Variants in COG5 observed in about 807,000 individuals in gnomAD.
The protein encoded by COG5 is conserved oligomeric Golgi complex subunit 5.
Under a neutral mutation model 110.4 loss-of-function variants are expected in COG5, and 86 were observed. The observed-to-expected ratio is 0.78, with a 90% CI of 0.65 to 0.93. The LOEUF (loss-of-function observed/expected upper bound fraction) is 0.93. COG5 is among the 40% of genes least tolerant of loss of function. The pLI is 0.00. For synonymous variants in COG5, 360 were observed against 334.6 expected (o/e 1.08, Z -0.83); for missense variants, 1,077 against 987.0 (o/e 1.09, Z -1.22).
At position 107,236,672 on chromosome 7, in the gene COG5, T is replaced by A. The variant is rs200289261; in HGVS notation, c.1869A>T (p.Ser623=). The A allele has an allele frequency of 1.9e-6, 3 of 1,613,456 alleles. No individual in the cohort carries two copies. Among genetic ancestry groups the A allele is most frequent in the Non-Finnish European group, 2.5e-6 (3 of 1,179,528 alleles). ...QEDFSGSLSS[S]GKPDVPCSLY... ...GAGAACAAGGAACATCAGGTTTTCC[T>A]GAGCTGGATAATGACCTGTAAAAGA... The change falls in exon 18 of 22, where the codon TCA becomes TCT. Residue 623 remains serine (S), a synonymous_variant. Coordinates refer to ENST00000297135, the MANE Select transcript of COG5 (RefSeq NM_006348.5).
intron 6 of COG5, among the ~76,000 whole-genome samples, chr7:107,497,987 T>C (rs766815639): frequency 1.7e-4 from 26 of 152,078 alleles, no homozygotes; most frequent in Non-Finnish European, 3.4e-4. Context: ...TTCATGCATA[T>C]ATGATAAACC....
chr7:107,242,734 G>C (rs1801742271), intron 17 of COG5, among the ~76,000 whole-genome samples: 1 of 152,154 alleles, frequency 6.6e-6, no homozygotes, highest in Non-Finnish European at 1.5e-5. Flanking sequence ...TTGTCACCAG[G>C]AGAACCCCTG....
intron 17 of COG5, among the ~76,000 whole-genome samples, chr7:107,242,304 A>T (rs1040821458): frequency 6.6e-6 from 1 of 152,154 alleles, no homozygotes; most frequent in Non-Finnish European, 1.5e-5. Context: ...AGCCAGGGGA[A>T]CCCCCACTGC....
intron 10 of COG5, among the ~76,000 whole-genome samples, chr7:107,354,283 A>G (rs1812434836): frequency 6.6e-6 from 1 of 152,210 alleles, no homozygotes; most frequent in African/African-American, 2.4e-5. Context: ...TCATGTTATT[A>G]GAACTACTGA....
chr7:107,248,353 A>G (rs1172784355), intron 17 of COG5, 43 bp downstream of exon 17: 10 of 1,203,468 alleles, frequency 8.3e-6, no homozygotes, highest in Non-Finnish European at 1.1e-5. Context: ...AATACAAAAT[A>G]AAGGCAGTAA....
At chr7:107,207,901 G>A in intron 21 of COG5, 1 of 985,326 alleles carries the variant, frequency 1.0e-6, no homozygotes, top group Non-Finnish European at 1.2e-6. Flanking sequence ...TCCTCAATTT[G>A]CCCTATTTTA....
chr7:107,348,412 A>G (rs764181897), intron 10 of COG5, among the ~76,000 whole-genome samples: 12 of 152,138 alleles, frequency 7.9e-5, no homozygotes, highest in Admixed American at 4.6e-4. Flanking sequence ...TTGAAAAACC[A>G]TATGGGCCTA....
chr7:107,201,494 TAAGAAG>T lies in COG5; in HGVS notation c.*2016_*2021del, dbSNP rs1477737867. 4 of 1,051,726 alleles carry T rather than the reference TAAGAAG, an allele frequency of 3.8e-6. No individual in the cohort carries two copies. The highest frequency in any genetic ancestry group is 5.9e-6 in the Non-Finnish European group (4 of 678,714). 65.1% of individuals were successfully genotyped at this position (1,051,726 alleles called of 1,614,324 possible). Reference sequence around the variant, plus strand: ...TACATTGACTCTTGATGGAAAGACTTAAGAAGATCAAGGTCTCACCATTTGTCCTCA... The same window carrying T: ...TACATTGACTCTTGATGGAAAGACTTATCAAGGTCTCACCATTTGTCCTCA... On this transcript the variant is annotated 3_prime_UTR_variant, in exon 22 of 22. Coordinates refer to ENST00000297135, the MANE Select transcript of COG5 (RefSeq NM_006348.5).
At chr7:107,441,351 T>C (rs1410945091) in intron 6 of COG5, among the ~76,000 whole-genome samples, 4 of 151,616 alleles carry the variant, frequency 2.6e-5, no homozygotes, top group Non-Finnish European at 4.4e-5. Flanking sequence ...ATACTACTGA[T>C]AACCTGGGAC....
chr7:107,206,584 G>T (rs1322056735), intron 21 of COG5, among the ~76,000 whole-genome samples: 1 of 152,180 alleles, frequency 6.6e-6, no homozygotes. Context: ...AGACACCAAG[G>T]TGTATGTATC....
chr7:107,348,244 A>G (rs1811812451), intron 10 of COG5, among the ~76,000 whole-genome samples: 1 of 151,740 alleles, frequency 6.6e-6, no homozygotes, highest in Non-Finnish European at 1.5e-5. Context: ...ATTTTTCAAT[A>G]TATATTCCTG....
chr7:107,270,882 CTTTTTTTTT>C (rs56971368), intron 14 of COG5, among the ~76,000 whole-genome samples: 5 of 68,726 alleles, frequency 7.3e-5, no homozygotes, highest in Admixed American at 1.9e-4. Context: ...CTAACTAGAA[CTTTTTTTTT>C]TTTTTTTTTT....
In COG5 at chr7:107,203,613, T is replaced by C; in HGVS notation, c.2393A>G (p.Tyr798Cys). 1 of 1,613,718 alleles carries C rather than the reference T, an allele frequency of 6.2e-7. No homozygotes were observed. The highest frequency in any genetic ancestry group is 1.1e-5 in the South Asian group (1 of 91,082). Residue 798 changes from tyrosine to cysteine, a missense_variant, in exon 22 of 22, where the codon TAT becomes TGT. Coordinates refer to ENST00000297135, the MANE Select transcript of COG5 (RefSeq NM_006348.5). Reference sequence around the variant, plus strand: ...TTCTCTACTTCTCACTGATTGAACATAAGCTTCCAGGGCTCCCCTGAAAAC... The same window carrying C: ...TTCTCTACTTCTCACTGATTGAACACAAGCTTCCAGGGCTCCCCTGAAAAC... ...LLLIRGALEA[Y>C]VQSVRSREGK...
chr7:107,508,548 G>A (rs1009940086), intron 6 of COG5, among the ~76,000 whole-genome samples: 12 of 152,214 alleles, frequency 7.9e-5, no homozygotes, highest in East Asian at 1.9e-4. Context: ...CTTCCACTAC[G>A]CAGCTGGAGA....
chr7:107,358,756 CTCATAAGCTCAAGTTGAGTTT>C (rs1812845785), intron 10 of COG5, among the ~76,000 whole-genome samples: 1 of 152,134 alleles, frequency 6.6e-6, no homozygotes, highest in Non-Finnish European at 1.5e-5. Context: ...AAACTCTGGA[CTCATAAGCTCAAGTTGAGTTT>C]TCCCAGTAGA....
chr7:107,388,998 T>C (rs1790423832), intron 7 of COG5, among the ~76,000 whole-genome samples: 1 of 152,212 alleles, frequency 6.6e-6, no homozygotes, highest in Non-Finnish European at 1.5e-5. Context: ...TTACTCCAAA[T>C]AATTTGTTCC....
chr7:107,213,766 G>A (rs1448877851), intron 19 of COG5, among the ~76,000 whole-genome samples: 1 of 152,168 alleles, frequency 6.6e-6, no homozygotes, highest in Non-Finnish European at 1.5e-5. Context: ...AAATAATGAA[G>A]TTAAATCTAT....
chr7:107,366,138 C>G lies in COG5; in HGVS notation c.836-3718G>C, dbSNP rs983345998. On this transcript the variant is annotated intron_variant, in intron 8 of 21. Coordinates refer to ENST00000297135, the MANE Select transcript of COG5 (RefSeq NM_006348.5). ...TCCACTGTCTCAAATTACTGGAATA[C>G]TCACTGGAAAAATATTATAGAAATA... Among the ~76,000 whole-genome samples the G allele has an allele frequency of 4.6e-5, 7 of 151,942 alleles. No individual in the cohort carries two copies. In the East Asian group the frequency reaches 5.8e-4, roughly 13 times the overall value.
intron 6 of COG5, among the ~76,000 whole-genome samples, chr7:107,417,769 A>G (rs1304522127): frequency 6.7e-6 from 1 of 148,300 alleles, no homozygotes; most frequent in Non-Finnish European, 1.5e-5. Flanking sequence ...TGATAGTCTA[A>G]TCTAAGTTAT....
Sources: allele counts gnomAD v4.1 joint callset (sites outside exome capture counted in the v4.1 genomes callset), GRCh38; gene constraint gnomAD v4.1.1; transcripts MANE v1.5; gene names NCBI Gene and HGNC (gene_info 2026-07-23, HGNC 2026-07-21).